The following DNAH9 variants were observed in gnomAD, a reference collection of about 807,000 sequenced individuals.
DNAH9 encodes DNAH9 variant protein.
DNAH9 carries 345 observed loss-of-function variants against 471.6 expected under a neutral mutation model. The observed-to-expected ratio is 0.73, with a 90% CI of 0.67 to 0.80. The LOEUF (loss-of-function observed/expected upper bound fraction) is 0.80. Among genes scored for constraint, DNAH9 ranks in the 30% least tolerant of loss-of-function variants. The probability of loss-of-function intolerance (pLI) is 0.00; values close to 1 mark genes in which losing one functional copy is unlikely to be tolerated. For missense variants in DNAH9, 5,407 were observed against 5,609.2 expected (o/e 0.96, Z 1.15); for synonymous variants, 2,093 against 2,123.6 (o/e 0.99, Z 0.40).
chr17:11,772,615 A>T (rs1171733320), intron 38 of DNAH9, among the ~76,000 whole-genome samples: 1 of 152,194 alleles, frequency 6.6e-6, no homozygotes, highest in Non-Finnish European at 1.5e-5. Flanking sequence ...AAATCTCAAA[A>T]TGCTATTAAA....
chr17:11,669,530 T>A lies in DNAH9; in HGVS notation c.3089T>A (p.Leu1030Gln). The A allele has an allele frequency of 6.2e-7, 1 of 1,614,164 alleles. No homozygotes were observed. Among genetic ancestry groups the A allele is most frequent in the Non-Finnish European group, 8.5e-7 (1 of 1,180,032 alleles). ...AAGGAGGTTCTGGGTCAGTTTCTGCTGTACGGGCACATCCTCACTCCGGAA... is the reference window on the plus strand; with the variant it reads ...AAGGAGGTTCTGGGTCAGTTTCTGCAGTACGGGCACATCCTCACTCCGGAA... ...DRKEVLGQFL[L>Q]YGHILTPEEI... The change falls in exon 17 of 69, where the codon CTG becomes CAG. Residue 1030 changes from leucine (L) to glutamine (Q), a missense_variant. Transcript: ENST00000262442.
intron 55 of DNAH9, 99 bp downstream of exon 55, chr17:11,881,512 T>A: frequency 1.6e-6 from 2 of 1,246,044 alleles, no homozygotes; most frequent in Non-Finnish European, 2.2e-6. Context: ...TGGATTGAGT[T>A]AGGTGGGTTC....
At chr17:11,881,683 C>T (rs1187743672) in intron 55 of DNAH9, among the ~76,000 whole-genome samples, 3 of 151,932 alleles carry the variant, frequency 2.0e-5, no homozygotes, top group African/African-American at 4.8e-5. Flanking sequence ...CCAAGGTGGG[C>T]GGATCATGAG....
At position 11,937,042 on chromosome 17, in the gene DNAH9, GAA is replaced by G. The variant is rs1974734522; in HGVS notation, c.12490-306_12490-305del. ...TGAGAAGTCCTCCTCTGGTCTGCAG[GAA>G]AAAGAGTCATCAGGGAGGAGTGGGA... On this transcript the variant is annotated intron_variant, in intron 65 of 68. Transcript: ENST00000262442. This position sits in a 1 kb window ranked among gnomAD's most constrained non-coding sequence, Gnocchi z 4.1. Among the ~76,000 whole-genome samples, 1 of 152,132 alleles carries G rather than the reference GAA, an allele frequency of 6.6e-6. No homozygotes were observed. The highest frequency in any genetic ancestry group is 2.1e-4 in the South Asian group (1 of 4,832).
At chr17:11,844,039 C>CTTCA (rs149716292) in intron 49 of DNAH9, among the ~76,000 whole-genome samples, 1 of 149,378 alleles carries the variant, frequency 6.7e-6, no homozygotes, top group East Asian at 2.0e-4. Context: ...AGTATATACT[C>CTTCA]TTAATAAATG....
At chr17:11,794,105 C>T (rs1033397121) in intron 42 of DNAH9, among the ~76,000 whole-genome samples, 2 of 137,402 alleles carry the variant, frequency 1.5e-5, no homozygotes, top group Admixed American at 8.0e-5. Flanking sequence ...AGTGCAGTGG[C>T]GCGATCTCGG....
At chr17:11,878,261 A>G (rs1401885756) in intron 53 of DNAH9, among the ~76,000 whole-genome samples, 2 of 152,108 alleles carry the variant, frequency 1.3e-5, no homozygotes, top group Non-Finnish European at 2.9e-5. Context: ...TCCATTAACT[A>G]CTTTCCTGTT....
At position 11,962,673 on chromosome 17, in the gene DNAH9, T is replaced by C. The variant is rs1976318828; in HGVS notation, c.13233+417T>C. Among the ~76,000 whole-genome samples the C allele has an allele frequency of 6.6e-6, 1 of 152,050 alleles. No individual in the cohort carries two copies. Among genetic ancestry groups the C allele is most frequent in the Admixed American group, 6.5e-5 (1 of 15,278 alleles). ...GTTATCAAAAAATGTTGGAGTCAGCTATCTCTGCTGCTGCTGCTGTGTGTC... is the reference window on the plus strand; with the variant it reads ...GTTATCAAAAAATGTTGGAGTCAGCCATCTCTGCTGCTGCTGCTGTGTGTC... On this transcript the variant is annotated intron_variant, in intron 68 of 68. Coordinates refer to ENST00000262442, the MANE Select transcript of DNAH9 (RefSeq NM_001372.4). This position sits in a 1 kb window ranked among gnomAD's most constrained non-coding sequence, Gnocchi z 4.1.
At chr17:11,715,717 T>G (rs1033874892) in intron 26 of DNAH9, among the ~76,000 whole-genome samples, 5 of 152,232 alleles carry the variant, frequency 3.3e-5, no homozygotes, top group African/African-American at 9.6e-5. Flanking sequence ...TAAGTTTCTT[T>G]GTACAAAGAA....
In DNAH9 at chr17:11,634,534, T is replaced by C. The variant is rs547345009; in HGVS notation, c.1635+1831T>C. Among the ~76,000 whole-genome samples the C allele has an allele frequency of 1.3e-5, 2 of 152,226 alleles. 1 individual carries two copies. Among genetic ancestry groups the C allele is most frequent in the South Asian group, 4.1e-4 (2 of 4,820 alleles). On this transcript the variant is annotated intron_variant, in intron 8 of 68. Coordinates refer to ENST00000262442, the MANE Select transcript of DNAH9 (RefSeq NM_001372.4). ...GTCCCTCTGTGCACACACCTGTACT[T>C]CCTCAACAGAAGATGGGAGCCACAG...
intron 61 of DNAH9, among the ~76,000 whole-genome samples, chr17:11,918,396 AATTTTTTGT>A (rs1379665189): frequency 6.6e-6 from 1 of 151,936 alleles, no homozygotes; most frequent in Admixed American, 6.6e-5. Context: ...ATGCCCGGCT[AATTTTTTGT>A]ATTTTTTGTA....
In DNAH9 at chr17:11,768,682, G is replaced by A; in HGVS notation, c.7344+56G>A. On this transcript the variant is annotated intron_variant, in intron 37 of 68. Transcript: ENST00000262442. Reference sequence around the variant, plus strand: ...GTGCAGTTGCCCTCAAGGATCTGCAGTGGCTCCAGTAGCAGCCCCGCATGG... The same window carrying A: ...GTGCAGTTGCCCTCAAGGATCTGCAATGGCTCCAGTAGCAGCCCCGCATGG... 5 of 1,580,116 alleles carry A rather than the reference G, an allele frequency of 3.2e-6. No homozygotes were observed. In the South Asian group the frequency reaches 4.5e-5, roughly 14 times the overall value.
intron 50 of DNAH9, among the ~76,000 whole-genome samples, chr17:11,859,605 G>C (rs922275855): frequency 1.3e-5 from 2 of 152,084 alleles, no homozygotes; most frequent in Admixed American, 6.6e-5. Context: ...AGTTTAATCG[G>C]CTCACAGTTC....
intron 52 of DNAH9, among the ~76,000 whole-genome samples, chr17:11,872,122 C>G (rs752268405): frequency 6.6e-5 from 10 of 152,210 alleles, no homozygotes; most frequent in Non-Finnish European, 1.0e-4. Flanking sequence ...GATCTCCCCA[C>G]TCCAGAGCCA....
At chr17:11,731,362 A>G (rs1190066598) in intron 28 of DNAH9, among the ~76,000 whole-genome samples, 2 of 151,160 alleles carry the variant, frequency 1.3e-5, no homozygotes, top group Non-Finnish European at 1.5e-5. Flanking sequence ...CAGGGTAGGG[A>G]AAAAGGGTTC....
At chr17:11,747,822 C>A in intron 32 of DNAH9, 56 bp downstream of exon 32, 1 of 1,501,164 alleles carries the variant, frequency 6.7e-7, no homozygotes, top group Non-Finnish European at 9.2e-7. Context: ...GTCCCTGTGG[C>A]GGGCTTGGAT....
At chr17:11,843,863 G>GTGTGTGTGTGTGTGTGTA (rs1253794533) in intron 49 of DNAH9, among the ~76,000 whole-genome samples, 3 of 46,470 alleles carry the variant, frequency 6.5e-5, no homozygotes, top group Non-Finnish European at 1.2e-4. Context: ...GTGTGTGTGT[G>GTGTGTGTGTGTGTGTGTA]TATATATATA....
intron 12 of DNAH9, among the ~76,000 whole-genome samples, chr17:11,648,206 A>C (rs746046170): frequency 1.3e-4 from 20 of 152,344 alleles, no homozygotes; most frequent in Non-Finnish European, 2.5e-4. Context: ...TGCACTATAG[A>C]TTGAGCTGAA....
At chr17:11,629,329 A>G (rs539060546) in intron 6 of DNAH9, 88 bp from the exon 7 acceptor site, 1 of 1,033,930 alleles carries the variant, frequency 9.7e-7, no homozygotes, top group Non-Finnish European at 1.4e-6. Flanking sequence ...ATTCCCACCT[A>G]TGAGTGAGAA....
Sources: allele counts gnomAD v4.1 joint callset (sites outside exome capture counted in the v4.1 genomes callset), GRCh38; gene constraint gnomAD v4.1.1; non-coding constraint Gnocchi (gnomAD v3.1); transcripts MANE v1.5; gene names NCBI Gene and HGNC (gene_info 2026-07-23, HGNC 2026-07-21).